ZHX1: variants seen among roughly 807,000 people sequenced by gnomAD.
ZHX1 encodes zinc fingers and homeoboxes 1.
In ZHX1, 20 loss-of-function variants were observed where a neutral mutation model predicts 61.8. The observed-to-expected ratio is 0.32, with a 90% CI of 0.23 to 0.47. The LOEUF (loss-of-function observed/expected upper bound fraction) is 0.47, where lower values mean the gene tolerates loss of function less well. Ranked by LOEUF, ZHX1 falls within the 20% of genes least tolerant of loss-of-function variation. The pLI is 1.00. For synonymous variants in ZHX1, 318 were observed against 352.6 expected, an observed-to-expected ratio of 0.90 and a Z score of 1.10; for missense variants, 800 against 1,034.8, an observed-to-expected ratio of 0.77 and a Z score of 3.11.
rs1427232389 is a variant in ZHX1, at chr8:123,249,379, C to T, written c.*945G>A. ...CATTATGATCAGTTCAGAATTTTTT[C>T]TCTATTCACTGAAACTGTTATAAAA... On this transcript the variant is annotated 3_prime_UTR_variant, in exon 4 of 4. Coordinates refer to ENST00000395571, the MANE Select transcript of ZHX1 (RefSeq NM_007222.5). 1 of 152,106 alleles carries T rather than the reference C, an allele frequency of 6.6e-6. No individual in the cohort carries two copies. Among genetic ancestry groups the T allele is most frequent in the Non-Finnish European group, 1.5e-5 (1 of 67,990 alleles). The allele number at this position is 152,106 out of a possible 1,614,324, so 9.4% of individuals were successfully genotyped here. A position where few individuals can be genotyped will look rare whatever the true frequency, so the allele number is the denominator to read the frequency against.
rs552176164 is a variant in ZHX1 at position 123,257,586 on chromosome 8, G to A, written c.-225-1415C>T. The stretch of plus-strand genomic sequence containing the variant: ...ATGGAAGACCATTTTTCCACATACC[G>A]CGGTGCGAGGGGATGAGATGGTTTT... On this transcript the variant is annotated intron_variant, in intron 2 of 3. Transcript: ENST00000395571. Among the ~76,000 whole-genome samples the A allele has an allele frequency of 2.8e-4, 42 of 152,228 alleles. 1 individual carries two copies. The highest frequency in any genetic ancestry group is 5.1e-4 in the Non-Finnish European group (35 of 68,012).
At chr8:123,250,713 T>A (rs1825893579) in intron 3 of ZHX1, among the ~76,000 whole-genome samples, 1 of 152,344 alleles carries the variant, frequency 6.6e-6, no homozygotes, top group South Asian at 2.1e-4. Flanking sequence ...TTTTGGTAAC[T>A]TTTTTGGTAA....
chr8:123,273,446 C>T (rs1826727192), intron 1 of ZHX1, among the ~76,000 whole-genome samples: 1 of 152,132 alleles, frequency 6.6e-6, no homozygotes, highest in African/African-American at 2.4e-5. Flanking sequence ...AGCCCCCACA[C>T]CCCCACGCCC....
rs1319982626 is a variant in ZHX1, at chr8:123,248,973, TAAA to T, written c.*1348_*1350del. On this transcript the variant is annotated 3_prime_UTR_variant, in exon 4 of 4. Transcript: ENST00000395571. ...TACTAATAAAGCTATAGTTAAAAAATAAAAAGTTTATAAAAATGAAAGCAGCAT... is the reference window on the plus strand; with the variant it reads ...TACTAATAAAGCTATAGTTAAAAAATAAGTTTATAAAAATGAAAGCAGCAT... 1 of 152,514 alleles carries T rather than the reference TAAA, an allele frequency of 6.6e-6. No individual in the cohort carries two copies. The highest frequency in any genetic ancestry group is 1.5e-5 in the Non-Finnish European group (1 of 67,974). The allele number at this position is 152,514 out of a possible 1,614,324, so 9.4% of individuals were successfully genotyped here.
chr8:123,259,723 G>A (rs555830370), intron 2 of ZHX1, among the ~76,000 whole-genome samples: 1 of 152,196 alleles, frequency 6.6e-6, no homozygotes, highest in South Asian at 2.1e-4. Context: ...ATTTAATTGG[G>A]GTATAATAAT....
At chr8:123,264,845 C>A (rs1826402476) in intron 2 of ZHX1, among the ~76,000 whole-genome samples, 1 of 150,600 alleles carries the variant, frequency 6.6e-6, no homozygotes, top group Non-Finnish European at 1.5e-5. Flanking sequence ...AGGCATGACC[C>A]ACTGTGCCTG....
At chr8:123,257,579 A>G (rs756165352) in intron 2 of ZHX1, among the ~76,000 whole-genome samples, 1 of 152,128 alleles carries the variant, frequency 6.6e-6, no homozygotes, top group Non-Finnish European at 1.5e-5. Context: ...CCATTTTTCC[A>G]CATACCGCGG....
At chr8:123,261,689 AG>A (rs1826274758) in intron 2 of ZHX1, among the ~76,000 whole-genome samples, 1 of 152,230 alleles carries the variant, frequency 6.6e-6, no homozygotes, top group African/African-American at 2.4e-5. Flanking sequence ...TATCCACATC[AG>A]AGGAAGTAAA....
rs1338986727 is a variant in ZHX1 at position 123,255,249 on chromosome 8, T to C, written c.698A>G (p.Asn233Ser). 6.2e-7 allele frequency: 1 copy of C among 1,614,224 alleles called. No individual in the cohort carries two copies. Among genetic ancestry groups the C allele is most frequent in the Non-Finnish European group, 8.5e-7 (1 of 1,180,040 alleles). Residue 233 changes from asparagine to serine, a missense_variant, in exon 3 of 4, where the codon AAT becomes AGT. Asn to Ser is a conservative substitution (Grantham distance 46, BLOSUM62 1). Coordinates refer to ENST00000395571, the MANE Select transcript of ZHX1 (RefSeq NM_007222.5). Reference protein sequence around the residue: ...ENPSSSASESNTSTSIVNRIH... With the variant: ...ENPSSSASESSTSTSIVNRIH... Reference sequence around the variant, plus strand: ...TCTGTTTACAATGGAAGTACTTGTATTAGATTCAGAAGCTGAAGAACTTGG... The same window carrying C: ...TCTGTTTACAATGGAAGTACTTGTACTAGATTCAGAAGCTGAAGAACTTGG...
intron 2 of ZHX1, among the ~76,000 whole-genome samples, chr8:123,260,780 G>A (rs1241562996): frequency 6.6e-6 from 1 of 152,038 alleles, no homozygotes; most frequent in African/African-American, 2.4e-5. Context: ...ACTTTGGGAA[G>A]CTGGCAGGGG....
intron 2 of ZHX1, among the ~76,000 whole-genome samples, chr8:123,264,975 G>A (rs1826406929): frequency 6.6e-6 from 1 of 150,452 alleles, no homozygotes; most frequent in Admixed American, 6.6e-5. Context: ...GATCACCTGA[G>A]GTCAGGAGTT....
Position 123,267,724 on chromosome 8 carries a change from G to A in ZHX1, c.-339-338C>T, listed in dbSNP as rs185430981. Among the ~76,000 whole-genome samples, 917 of 152,244 alleles carry A rather than the reference G, an allele frequency of 6.0e-3. 6 individuals carry two copies. Among genetic ancestry groups the A allele is most frequent in the African/African-American group, 0.019 (793 of 41,554 alleles). ...GTTCTTTAAAATGAGTATACCGGCC[G>A]GGCGCGGTGGCTCACACCTGTAATC... On this transcript the variant is annotated intron_variant, in intron 1 of 3. Coordinates refer to ENST00000395571, the MANE Select transcript of ZHX1 (RefSeq NM_007222.5).
Position 123,267,345 on chromosome 8 carries a change from G to A in ZHX1, c.-298C>T, listed in dbSNP as rs926071122. ...CCTTCTAGTTAGATGTTTAGCTCAG[G>A]CCATCATTACCAACAGGTCCAAAGC... On this transcript the variant is annotated 5_prime_UTR_variant, in exon 2 of 4. Coordinates refer to ENST00000395571, the MANE Select transcript of ZHX1 (RefSeq NM_007222.5). The A allele has an allele frequency of 4.1e-6, 6 of 1,464,158 alleles. No individual in the cohort carries two copies. The highest frequency in any genetic ancestry group is 4.0e-5 in the Admixed American group (2 of 49,540). 90.7% of individuals were successfully genotyped at this position (1,464,158 alleles called of 1,614,324 possible).
At chr8:123,268,263 T>C (rs1283877654) in intron 1 of ZHX1, among the ~76,000 whole-genome samples, 1 of 152,220 alleles carries the variant, frequency 6.6e-6, no homozygotes, top group Non-Finnish European at 1.5e-5. Flanking sequence ...ATGTCGTTTT[T>C]GCCTGAAAGC....
intron 2 of ZHX1, among the ~76,000 whole-genome samples, chr8:123,266,592 A>G (rs1826467592): frequency 6.6e-6 from 1 of 152,198 alleles, no homozygotes; most frequent in Non-Finnish European, 1.5e-5. Context: ...ATCAGATAAA[A>G]TATAAAAACA....
chr8:123,267,268 C>G lies in ZHX1; in HGVS notation c.-226+5G>C, dbSNP rs2131219779. The G allele has an allele frequency of 6.5e-7, 1 of 1,531,206 alleles. No individual in the cohort carries two copies. The highest frequency in any genetic ancestry group is 2.5e-5 in the East Asian group (1 of 40,772). The allele number at this position is 1,531,206 out of a possible 1,614,324, so 94.9% of individuals were successfully genotyped here. A position where few individuals can be genotyped will look rare whatever the true frequency, so the allele number is the denominator to read the frequency against. On this transcript the variant is annotated splice_donor_5th_base_variant and intron_variant, in intron 2 of 3. Coordinates refer to ENST00000395571, the MANE Select transcript of ZHX1 (RefSeq NM_007222.5). ...TTTACCATACCAAAACAATGAAACA[C>G]ATACTTGCCACAGCTTCCTTAGCAT...
rs146826921 is a variant in ZHX1, at chr8:123,262,254, G to A, written c.-226+5019C>T. 3.9e-3 allele frequency among the ~76,000 whole-genome samples: 592 copies of A among 152,224 alleles called. 3 individuals are homozygous for A. The highest frequency in any genetic ancestry group is 6.4e-3 in the Non-Finnish European group (436 of 68,004). On this transcript the variant is annotated intron_variant, in intron 2 of 3. Coordinates refer to ENST00000395571, the MANE Select transcript of ZHX1 (RefSeq NM_007222.5). Reference sequence around the variant, plus strand: ...GTACGGGAAGTGTTTTTAGAAAACTGATCAAATTAATTTAATTGCTATACT... The same window carrying A: ...GTACGGGAAGTGTTTTTAGAAAACTAATCAAATTAATTTAATTGCTATACT...
chr8:123,268,934 T>C (rs570570653), intron 1 of ZHX1, among the ~76,000 whole-genome samples: 5 of 152,360 alleles, frequency 3.3e-5, no homozygotes, highest in South Asian at 4.1e-4. Context: ...CAAGAAATAA[T>C]GTAAATACAC....
Position 123,264,380 on chromosome 8 carries a change from C to T in ZHX1, c.-226+2893G>A, listed in dbSNP as rs1281740570. 2.0e-5 allele frequency among the ~76,000 whole-genome samples: 3 copies of T among 151,988 alleles called. No individual in the cohort carries two copies. In the East Asian group the frequency reaches 5.8e-4, roughly 29 times the overall value. On this transcript the variant is annotated intron_variant, in intron 2 of 3. Transcript: ENST00000395571. ...GATTGTTTCAAATTCTATGCTTACCCACTACTAAAAAAAAGTCTAAAATAT... is the reference window on the plus strand; with the variant it reads ...GATTGTTTCAAATTCTATGCTTACCTACTACTAAAAAAAAGTCTAAAATAT...
Sources: allele counts gnomAD v4.1 joint callset (sites outside exome capture counted in the v4.1 genomes callset), GRCh38; gene constraint gnomAD v4.1.1; transcripts MANE v1.5; gene names NCBI Gene and HGNC (gene_info 2026-07-23, HGNC 2026-07-21).